The following HECTD4 variants were observed in gnomAD, a reference collection of about 807,000 sequenced individuals.
The protein encoded by HECTD4 is probable E3 ubiquitin-protein ligase HECTD4.
HECTD4 carries 114 observed loss-of-function variants against 471.5 expected under a neutral mutation model. That is an observed-to-expected ratio of 0.24 (90% CI 0.21 to 0.28). HECTD4 has a LOEUF of 0.28. HECTD4 is among the 10% of genes least tolerant of loss of function. The probability of loss-of-function intolerance (pLI) is 1.00; values close to 1 mark genes in which losing one functional copy is unlikely to be tolerated. For synonymous variants in HECTD4, 2,012 were observed against 2,256.0 expected, an observed-to-expected ratio of 0.89 and a Z score of 3.07; for missense variants, 3,866 against 5,651.5, an observed-to-expected ratio of 0.68 and a Z score of 10.13.
In HECTD4 at chr12:112,235,394, C is replaced by T. The variant is rs2033476728; in HGVS notation, c.5725+110G>A. 1 of 1,488,950 alleles carries T rather than the reference C, an allele frequency of 6.7e-7. No homozygotes were observed. The highest frequency in any genetic ancestry group is 9.1e-7 in the Non-Finnish European group (1 of 1,104,402). 92.2% of individuals were successfully genotyped at this position (1,488,950 alleles called of 1,614,324 possible). A position where few individuals can be genotyped will look rare whatever the true frequency, so the allele number is the denominator to read the frequency against. ...CCTTCTCTATTCCTGTCCCCGCTCC[C>T]TTCTCTGTCACTCACTCTTTCATCA... On this transcript the variant is annotated intron_variant, in intron 36 of 75. Transcript: ENST00000682272. This position sits in a 1 kb window ranked among gnomAD's most constrained non-coding sequence, Gnocchi z 5.0.
At chr12:112,276,613 A>G (rs1399345999) in intron 9 of HECTD4, among the ~76,000 whole-genome samples, 1 of 152,068 alleles carries the variant, frequency 6.6e-6, no homozygotes, top group Non-Finnish European at 1.5e-5. Context: ...ACGCCCAGCT[A>G]ATTTTTGTAT....
chr12:112,235,617 G>A lies in HECTD4; in HGVS notation c.5612C>T (p.Pro1871Leu). The change falls in exon 36 of 76, where the codon CCA becomes CTA. Residue 1871 changes from proline (P) to leucine (L), a missense_variant. Around this residue, in one of 16 missense-constraint regions of HECTD4, gnomAD observed 617 missense variants for 915.1 expected, o/e 0.67. Transcript: ENST00000682272. This position sits in a 1 kb window ranked among gnomAD's most constrained non-coding sequence, Gnocchi z 5.0. ...SVEDCGNVEL[P>L]PWSYSVPSLN... The stretch of plus-strand genomic sequence containing the variant: ...GGAGGGGACAGAGTAGCTCCAGGGT[G>A]GGAGCTCCACGTTTCCACAGTCTTC... 6.2e-7 allele frequency: 1 copy of A among 1,613,996 alleles called. No homozygotes were observed. The highest frequency in any genetic ancestry group is 8.5e-7 in the Non-Finnish European group (1 of 1,179,880).
At position 112,204,633 on chromosome 12, in the gene HECTD4, A is replaced by C; in HGVS notation, c.8132-10T>G. ...GCAATATCCACCATACCTAAAAAAT[A>C]TAACAGCACAGGGTAACTCCCCAAA... On this transcript the variant is annotated splice_polypyrimidine_tract_variant and intron_variant, in intron 52 of 75. Transcript: ENST00000682272. 1 of 1,609,438 alleles carries C rather than the reference A, an allele frequency of 6.2e-7. No individual in the cohort carries two copies.
intron 62 of HECTD4, among the ~76,000 whole-genome samples, chr12:112,182,274 C>T (rs966241438): frequency 2.0e-5 from 3 of 150,108 alleles, no homozygotes; most frequent in African/African-American, 4.9e-5. Context: ...GAGACCAGCC[C>T]GGGCAACATA....
chr12:112,291,753 T>C (rs896122433), intron 7 of HECTD4, among the ~76,000 whole-genome samples: 6 of 151,994 alleles, frequency 3.9e-5, no homozygotes, highest in Admixed American at 3.3e-4. Context: ...GCCCCTCTAG[T>C]CCCAGCTACT....
At position 112,270,520 on chromosome 12, in the gene HECTD4, T is replaced by C. The variant is rs192191694; in HGVS notation, c.1943-61A>G. 3.7e-3 allele frequency: 5,027 copies of C among 1,369,172 alleles called. 24 individuals carry two copies. Among genetic ancestry groups the C allele is most frequent in the Non-Finnish European group, 4.2e-3 (3,994 of 961,798 alleles). 84.8% of individuals were successfully genotyped at this position (1,369,172 alleles called of 1,614,324 possible). A position where few individuals can be genotyped will look rare whatever the true frequency, so the allele number is the denominator to read the frequency against. On this transcript the variant is annotated intron_variant, in intron 11 of 75. Coordinates refer to ENST00000682272, the MANE Select transcript of HECTD4 (RefSeq NM_001388303.1). ...ATCTCTATGGGTGGTCCCCAAAGAATAGACCTTTGACTTACAAAAGGTGTG... is the reference window on the plus strand; with the variant it reads ...ATCTCTATGGGTGGTCCCCAAAGAACAGACCTTTGACTTACAAAAGGTGTG...
intron 2 of HECTD4, among the ~76,000 whole-genome samples, chr12:112,318,500 G>C (rs2035528673): frequency 6.6e-6 from 1 of 151,902 alleles, no homozygotes; most frequent in Non-Finnish European, 1.5e-5. Flanking sequence ...TAAGCCTCCA[G>C]GTAGCTGGGA....
rs139171647 is a variant in HECTD4, at chr12:112,229,900, G to C, written c.6337-20C>G. 8 of 1,597,160 alleles carry C rather than the reference G, an allele frequency of 5.0e-6. 1 individual carries two copies. The South Asian group carries it at 8.9e-5, about 18-fold the overall frequency. ...CAGAACCTAAATATAGAAGCAGCCC[G>C]TGCACTAGGAGTTAAAGCTTTGGTT... On this transcript the variant is annotated intron_variant, in intron 40 of 75. Transcript: ENST00000682272.
chr12:112,266,905 T>C lies in HECTD4; in HGVS notation c.2392+7A>G, dbSNP rs375695511. ...CTGTTCAAAGATAATTAAAGGATAA[T>C]TCTTACCTTCTGTTAAGACCAGTTT... On this transcript the variant is annotated splice_region_variant and intron_variant, in intron 14 of 75. Coordinates refer to ENST00000682272, the MANE Select transcript of HECTD4 (RefSeq NM_001388303.1). The C allele has an allele frequency of 4.3e-6, 6 of 1,381,860 alleles. No homozygotes were observed. The highest frequency in any genetic ancestry group is 6.0e-6 in the Non-Finnish European group (6 of 992,088). The allele number at this position is 1,381,860 out of a possible 1,614,324, so 85.6% of individuals were successfully genotyped here. A position where few individuals can be genotyped will look rare whatever the true frequency, so the allele number is the denominator to read the frequency against.
chr12:112,250,009 A>T, intron 25 of HECTD4, 135 bp downstream of exon 25: 1 of 722,512 alleles, frequency 1.4e-6, no homozygotes, highest in Non-Finnish European at 2.3e-6. Context: ...CTCTAGACTC[A>T]GTTAATTTTA....
In HECTD4 at chr12:112,184,038, C is replaced by T. The variant is rs989940665; in HGVS notation, c.10779+149G>A. On this transcript the variant is annotated intron_variant, in intron 61 of 75. Coordinates refer to ENST00000682272, the MANE Select transcript of HECTD4 (RefSeq NM_001388303.1). This position sits in a 1 kb window ranked among gnomAD's most constrained non-coding sequence, Gnocchi z 9.1. ...CACTCAGAGACGTTACCCCAAGCAG[C>T]CTCACTGTGCTCATTCCAAGGGCTG... is the stretch of plus-strand genomic sequence containing the variant. The T allele has an allele frequency of 4.0e-6, 3 of 755,108 alleles. No homozygotes were observed. Among genetic ancestry groups the T allele is most frequent in the Middle Eastern group, 3.4e-4 (1 of 2,902 alleles). 46.8% of individuals were successfully genotyped at this position (755,108 alleles called of 1,614,324 possible).
At chr12:112,220,624 C>CAA (rs2033060728) in intron 44 of HECTD4, among the ~76,000 whole-genome samples, 1 of 151,974 alleles carries the variant, frequency 6.6e-6, no homozygotes, top group African/African-American at 2.4e-5. Flanking sequence ...CAGCAAACCA[C>CAA]CATGTCTACA....
intron 17 of HECTD4, among the ~76,000 whole-genome samples, chr12:112,263,183 G>A (rs2034187840): frequency 1.3e-5 from 2 of 152,298 alleles, no homozygotes; most frequent in Admixed American, 1.3e-4. Flanking sequence ...TAAATTAAAA[G>A]TGCATGTATG....
At chr12:112,276,051 C>T (rs2034520288) in intron 9 of HECTD4, among the ~76,000 whole-genome samples, 1 of 152,172 alleles carries the variant, frequency 6.6e-6, no homozygotes, top group Non-Finnish European at 1.5e-5. Flanking sequence ...AGCAGGGATG[C>T]AGCATTGTCT....
At chr12:112,285,196 C>T (rs980015245) in intron 7 of HECTD4, among the ~76,000 whole-genome samples, 4 of 152,096 alleles carry the variant, frequency 2.6e-5, no homozygotes, top group Admixed American at 6.5e-5. Context: ...ACTGTGCTGG[C>T]GAGTGAAGCC....
At chr12:112,361,369 A>C (rs1566124280) in intron 1 of HECTD4, among the ~76,000 whole-genome samples, 1 of 151,988 alleles carries the variant, frequency 6.6e-6, no homozygotes, top group Non-Finnish European at 1.5e-5. Context: ...CTCTAGGCTC[A>C]AGCGATCCTC....
At chr12:112,277,834 C>T (rs1340338144) in intron 9 of HECTD4, among the ~76,000 whole-genome samples, 2 of 152,004 alleles carry the variant, frequency 1.3e-5, no homozygotes, top group African/African-American at 4.8e-5. Flanking sequence ...CTCACACTAT[C>T]CTATGTGGTA....
chr12:112,280,891 C>G (rs2034624157), intron 8 of HECTD4, among the ~76,000 whole-genome samples: 2 of 150,504 alleles, frequency 1.3e-5, no homozygotes, highest in Admixed American at 6.7e-5. Context: ...TGTGTTCCAG[C>G]AATTCTCCTG....
In HECTD4 at chr12:112,226,673, GAACTTC is replaced by G; in HGVS notation, c.6934_6939del (p.Glu2312_Val2313del). On this transcript the variant is annotated inframe_deletion, in exon 44 of 76. Transcript: ENST00000682272. ...CTACATTCCTGGGCTACTAGGTTAA[GAACTTC>G]AACAGCTGCTGGACATTGTTGTATG... The G allele has an allele frequency of 6.2e-7, 1 of 1,612,640 alleles. No individual in the cohort carries two copies. The highest frequency in any genetic ancestry group is 8.5e-7 in the Non-Finnish European group (1 of 1,179,334).
Sources: allele counts gnomAD v4.1 joint callset (sites outside exome capture counted in the v4.1 genomes callset), GRCh38; gene constraint gnomAD v4.1.1; regional missense constraint gnomAD v4.1.1; non-coding constraint Gnocchi (gnomAD v3.1); transcripts MANE v1.5; gene names NCBI Gene and HGNC (gene_info 2026-07-23, HGNC 2026-07-21).